Variants in CABLES1 observed in about 807,000 individuals in gnomAD.
CABLES1 encodes CDK5 and ABL1 enzyme substrate 1.
In CABLES1, 36 loss-of-function variants were observed where a neutral mutation model predicts 57.8. That is an observed-to-expected ratio of 0.62 (90% CI 0.48 to 0.82). The LOEUF (loss-of-function observed/expected upper bound fraction) is 0.82, where lower values mean the gene tolerates loss of function less well. CABLES1 is among the 40% of genes least tolerant of loss of function. The pLI is 0.00. For missense variants in CABLES1, 767 were observed against 836.6 expected, an observed-to-expected ratio of 0.92 and a Z score of 1.03; for synonymous variants, 374 against 363.0, an observed-to-expected ratio of 1.03 and a Z score of -0.35.
At chr18:23,218,993 T>C (rs1324032152) in intron 4 of CABLES1, 1 of 351,308 alleles carries the variant, frequency 2.8e-6, no homozygotes, top group Non-Finnish European at 5.6e-6. Flanking sequence ...TTATAGTAAA[T>C]GTACAGTGTT....
chr18:23,153,427 C>T (rs180920175), intron 1 of CABLES1, among the ~76,000 whole-genome samples: 342 of 151,858 alleles, frequency 2.3e-3, no homozygotes, highest in Middle Eastern at 6.8e-3. Context: ...ATTTTGAACA[C>T]AACAATTTAA....
intron 9 of CABLES1, 115 bp downstream of exon 9, chr18:23,254,051 A>G (rs2048105020): frequency 6.1e-6 from 5 of 816,782 alleles, no homozygotes; most frequent in Admixed American, 2.1e-5. Flanking sequence ...TTAGTCAGCA[A>G]TTGAGGTGAA....
chr18:23,214,347 C>T (rs951031255), intron 4 of CABLES1: 17 of 267,608 alleles, frequency 6.4e-5, no homozygotes, highest in Middle Eastern at 1.1e-3. Flanking sequence ...CCACCATATT[C>T]CACAGGGCCA....
chr18:23,210,788 C>T (rs189879383), intron 3 of CABLES1, among the ~76,000 whole-genome samples: 460 of 152,198 alleles, frequency 3.0e-3, no homozygotes, highest in Non-Finnish European at 4.5e-3. Context: ...ATTGGCAAAC[C>T]GTCTGCAGAG....
At chr18:23,140,348 G>A (rs902214602) in intron 1 of CABLES1, among the ~76,000 whole-genome samples, 3 of 152,332 alleles carry the variant, frequency 2.0e-5, no homozygotes, top group African/African-American at 7.2e-5. Flanking sequence ...CTCCCCAGGA[G>A]GACATGAAGT....
chr18:23,187,160 G>T (rs1056515458), intron 1 of CABLES1, among the ~76,000 whole-genome samples: 6 of 152,196 alleles, frequency 3.9e-5, no homozygotes, highest in African/African-American at 1.4e-4. Flanking sequence ...GGTAAGACTG[G>T]TGCCTCCTCC....
intron 1 of CABLES1, among the ~76,000 whole-genome samples, chr18:23,173,320 TGAAAG>T (rs1212640418): frequency 1.3e-5 from 2 of 152,172 alleles, no homozygotes; most frequent in African/African-American, 4.8e-5. Flanking sequence ...AACCCACATT[TGAAAG>T]GAAAGGGAAT....
At chr18:23,208,037 T>A (rs1481924383) in intron 3 of CABLES1, among the ~76,000 whole-genome samples, 1 of 152,210 alleles carries the variant, frequency 6.6e-6, no homozygotes, top group African/African-American at 2.4e-5. Flanking sequence ...GGTTAAGCCG[T>A]GCTTCCCTTC....
chr18:23,236,348 C>T (rs112307600), intron 6 of CABLES1, among the ~76,000 whole-genome samples: 1 of 152,126 alleles, frequency 6.6e-6, no homozygotes, highest in African/African-American at 2.4e-5. Context: ...TCAGCTCCCC[C>T]CAACAATGAC....
At chr18:23,163,616 C>T (rs1278474502) in intron 1 of CABLES1, among the ~76,000 whole-genome samples, 2 of 152,018 alleles carry the variant, frequency 1.3e-5, no homozygotes, top group Non-Finnish European at 2.9e-5. Flanking sequence ...GGATGAGTAG[C>T]ATTTTGGGAG....
At position 23,154,714 on chromosome 18, in the gene CABLES1, A is replaced by G. The variant is rs574199471; in HGVS notation, c.845+18107A>G. 2.6e-4 allele frequency among the ~76,000 whole-genome samples: 39 copies of G among 152,304 alleles called. No individual in the cohort carries two copies. The South Asian group carries it at 5.8e-3, about 23-fold the overall frequency. ...TTTAGAGAATTGAGTTTTCTCACCA[A>G]GTCATGTAGAGCAGGGATCCCTTCT... is the stretch of plus-strand genomic sequence containing the variant. On this transcript the variant is annotated intron_variant, in intron 1 of 9. Coordinates refer to ENST00000256925, the MANE Select transcript of CABLES1 (RefSeq NM_001100619.3).
intron 7 of CABLES1, 111 bp from the exon 8 acceptor site, chr18:23,252,849 T>G (rs566542114): frequency 5.1e-4 from 344 of 677,730 alleles, no homozygotes; most frequent in Non-Finnish European, 7.7e-4. Flanking sequence ...CCAATGCAAG[T>G]TTTCCCGTTG....
chr18:23,154,638 C>T (rs1408400445), intron 1 of CABLES1, among the ~76,000 whole-genome samples: 1 of 152,066 alleles, frequency 6.6e-6, no homozygotes, highest in African/African-American at 2.4e-5. Context: ...CTGTTGGTGC[C>T]GTACAGATTT....
At position 23,136,017 on chromosome 18, in the gene CABLES1, G is replaced by A. The variant is rs769950894; in HGVS notation, c.255G>A (p.Trp85Ter). ...DGRLPPQDAE[W>*]GGGEEGGAAK... ...GGCTGCCGCCGCAGGACGCGGAGTG[G>A]GGCGGTGGCGAGGAGGGCGGCGCGG... The change falls in exon 1 of 10, where the codon TGG becomes TGA. Residue 85 changes from tryptophan to a stop codon, truncating the protein, a stop_gained. Transcript: ENST00000256925. LOFTEE classifies it high-confidence loss of function. 8.8e-7 allele frequency: 1 copy of A among 1,140,200 alleles called. No individual in the cohort carries two copies. The highest frequency in any genetic ancestry group is 1.1e-6 in the Non-Finnish European group (1 of 930,684). The allele number at this position is 1,140,200 out of a possible 1,614,324, so 70.6% of individuals were successfully genotyped here.
intron 1 of CABLES1, among the ~76,000 whole-genome samples, chr18:23,147,874 G>T (rs781183211): frequency 1.7e-4 from 26 of 152,090 alleles, no homozygotes; most frequent in Non-Finnish European, 2.9e-4. Context: ...GCACATGCTG[G>T]GGGAGGGCTA....
At chr18:23,177,208 C>T (rs558394912) in intron 1 of CABLES1, among the ~76,000 whole-genome samples, 125 of 152,122 alleles carry the variant, frequency 8.2e-4, no homozygotes, top group African/African-American at 2.7e-3. Flanking sequence ...GGGGAGGAAG[C>T]GAGACGGCTC....
chr18:23,190,701 T>C (rs954963016), intron 2 of CABLES1, among the ~76,000 whole-genome samples: 5 of 152,188 alleles, frequency 3.3e-5, no homozygotes, highest in Non-Finnish European at 4.4e-5. Flanking sequence ...ATCTTGTTAT[T>C]ATAAAATTCT....
chr18:23,185,118 G>A (rs2047193454), intron 1 of CABLES1, among the ~76,000 whole-genome samples: 1 of 152,196 alleles, frequency 6.6e-6, no homozygotes, highest in South Asian at 2.1e-4. Flanking sequence ...TGTAAAGAAA[G>A]GTATATTCTC....
chr18:23,155,878 C>A, intron 1 of CABLES1: 1 of 1,613,798 alleles, frequency 6.2e-7, no homozygotes, highest in Non-Finnish European at 8.5e-7. Context: ...TTGGAGTGGT[C>A]TGAAGCCTCT....
Sources: allele counts gnomAD v4.1 joint callset (sites outside exome capture counted in the v4.1 genomes callset), GRCh38; gene constraint gnomAD v4.1.1; transcripts MANE v1.5; gene names NCBI Gene and HGNC (gene_info 2026-07-23, HGNC 2026-07-21).